CASP8: variants seen among roughly 807,000 people sequenced by gnomAD.
CASP8 encodes caspase-8.
CASP8 carries 24 observed loss-of-function variants against 46.3 expected under a neutral mutation model. That is an observed-to-expected ratio of 0.52 (90% CI 0.38 to 0.73). The LOEUF is 0.73. Ranked by LOEUF, CASP8 falls within the 30% of genes least tolerant of loss-of-function variation. The probability of loss-of-function intolerance (pLI) is 0.00; values close to 1 mark genes in which losing one functional copy is unlikely to be tolerated. For missense variants in CASP8, 460 were observed against 559.0 expected (o/e 0.82, Z 1.79); for synonymous variants, 188 against 200.4 (o/e 0.94, Z 0.52).
At chr2:201,270,126 G>A (rs1168268746) in intron 2 of CASP8, among the ~76,000 whole-genome samples, 3 of 152,124 alleles carry the variant, frequency 2.0e-5, no homozygotes, top group Non-Finnish European at 4.4e-5. Context: ...TTACACCATA[G>A]TATTGAAAGG....
At chr2:201,286,178 AG>A (rs1394479307) in intron 8 of CASP8, among the ~76,000 whole-genome samples, 2 of 152,244 alleles carry the variant, frequency 1.3e-5, no homozygotes, top group East Asian at 3.8e-4. Flanking sequence ...GAAGAGTGAG[AG>A]ACACACAGGT....
intron 6 of CASP8, 40 bp from the exon 7 acceptor site, chr2:201,276,787 C>T (rs2125316878): frequency 6.2e-7 from 1 of 1,613,226 alleles, no homozygotes. Context: ...TAGTGTTTGA[C>T]CCACAGAGTC....
intron 2 of CASP8, among the ~76,000 whole-genome samples, chr2:201,239,478 A>G (rs1041922100): frequency 1.3e-5 from 2 of 152,140 alleles, no homozygotes; most frequent in Non-Finnish European, 2.9e-5. Context: ...GGATATCTTC[A>G]TCTAATTTCT....
intron 2 of CASP8, chr2:201,241,636 A>T (rs1350714271): frequency 3.3e-5 from 5 of 152,250 alleles, no homozygotes; most frequent in Non-Finnish European, 7.3e-5. Flanking sequence ...AGAAGAATTA[A>T]TGCCAGTTCT....
At chr2:201,285,439 A>G in intron 8 of CASP8, 122 bp downstream of exon 8, 4 of 1,233,672 alleles carry the variant, frequency 3.2e-6, no homozygotes, top group Non-Finnish European at 4.7e-6. Flanking sequence ...GATCACATTA[A>G]CAGGTCAGAG....
At chr2:201,280,650 T>G (rs1025192694) in intron 7 of CASP8, among the ~76,000 whole-genome samples, 4 of 152,062 alleles carry the variant, frequency 2.6e-5, no homozygotes, top group Non-Finnish European at 2.9e-5. Flanking sequence ...CAAAGGAAAC[T>G]GATAAGAAAG....
chr2:201,257,948 T>C (rs941265464), upstream of CASP8: 1 of 438,548 alleles, frequency 2.3e-6, no homozygotes. Context: ...AGTTTGCACG[T>C]CCATGAATTG....
upstream of CASP8, chr2:201,258,263 T>C (rs541320886): frequency 1.2e-6 from 2 of 1,606,222 alleles, no homozygotes; most frequent in African/African-American, 1.3e-5. Context: ...AGGGTGGTTA[T>C]TGAAAGTAAA....
At chr2:201,238,055 G>A (rs988223830) in intron 2 of CASP8, among the ~76,000 whole-genome samples, 1 of 152,232 alleles carries the variant, frequency 6.6e-6, no homozygotes, top group African/African-American at 2.4e-5. Context: ...AGCAGTCAGG[G>A]TAGACTTCCT....
At chr2:201,261,220 C>T (rs957610373) in intron 1 of CASP8, among the ~76,000 whole-genome samples, 1 of 151,934 alleles carries the variant, frequency 6.6e-6, no homozygotes, top group African/African-American at 2.4e-5. Flanking sequence ...GAAGAAACCC[C>T]GTCTCTACTA....
intron 5 of CASP8, 141 bp downstream of exon 5, chr2:201,273,083 A>G: frequency 4.3e-6 from 3 of 700,882 alleles, no homozygotes; most frequent in Non-Finnish European, 4.8e-6. Context: ...TTTGTGAGAC[A>G]GTTTTACTTT....
chr2:201,244,367 T>A (rs1559330759), intron 2 of CASP8, among the ~76,000 whole-genome samples: 2 of 152,236 alleles, frequency 1.3e-5, no homozygotes, highest in Non-Finnish European at 2.9e-5. Context: ...GACTTGGAAG[T>A]CACACAGTCT....
chr2:201,258,691 GA>G (rs890819428), upstream of CASP8, among the ~76,000 whole-genome samples: 2 of 152,182 alleles, frequency 1.3e-5, no homozygotes, highest in African/African-American at 4.8e-5. Context: ...GGAGAGTCCA[GA>G]AGACTTTATC....
At chr2:201,250,156 C>G (rs928117411) in intron 2 of CASP8, among the ~76,000 whole-genome samples, 1 of 152,184 alleles carries the variant, frequency 6.6e-6, no homozygotes, top group African/African-American at 2.4e-5. Flanking sequence ...TTAGATTCCT[C>G]TCTGTGTCCC....
At chr2:201,236,731 C>T (rs1391771680) in intron 2 of CASP8, among the ~76,000 whole-genome samples, 1 of 152,046 alleles carries the variant, frequency 6.6e-6, no homozygotes, top group Non-Finnish European at 1.5e-5. Flanking sequence ...TCCCCATCTG[C>T]GAGTAGCTGG....
At chr2:201,282,665 T>G (rs1264701607) in intron 7 of CASP8, among the ~76,000 whole-genome samples, 1 of 57,934 alleles carries the variant, frequency 1.7e-5, no homozygotes, top group Non-Finnish European at 4.0e-5. Context: ...CCTCACCTCC[T>G]GGATAGGGCG....
chr2:201,278,211 C>G (rs1948771953), intron 7 of CASP8: 2 of 152,400 alleles, frequency 1.3e-5, no homozygotes, highest in Non-Finnish European at 2.9e-5. Context: ...TATAACTGGC[C>G]CATGATTGAC....
intron 6 of CASP8, 70 bp from the exon 7 acceptor site, chr2:201,276,757 G>A (rs1339836517): frequency 6.2e-7 from 1 of 1,607,198 alleles, no homozygotes; most frequent in East Asian, 2.2e-5. Flanking sequence ...TCTTACTAGG[G>A]AGTTGTTTGT....
In CASP8 at chr2:201,276,710, G is replaced by A. The variant is rs537759967; in HGVS notation, c.661-117G>A. ...GTAGAAACTAGTTCTTCGAGGAAAC[G>A]ACCCCGAGTTGGGGTGGTGCAATGG... On this transcript the variant is annotated intron_variant, in intron 6 of 8. Transcript: ENST00000673742. 2.2e-5 allele frequency: 28 copies of A among 1,300,904 alleles called. 1 individual carries two copies. Among genetic ancestry groups the A allele is most frequent in the Middle Eastern group, 2.1e-4 (1 of 4,746 alleles). The allele number at this position is 1,300,904 out of a possible 1,614,324, so 80.6% of individuals were successfully genotyped here.
Sources: gnomAD v4.1 joint callset for allele counts (sites outside exome capture counted in the v4.1 genomes callset) on GRCh38, gnomAD v4.1.1 for gene constraint, MANE v1.5 for transcripts, NCBI Gene and HGNC (gene_info 2026-07-23, HGNC 2026-07-21) for gene names.